TAF3: variants seen among roughly 807,000 people sequenced by gnomAD.
TAF3 encodes the protein transcription initiation factor TFIID subunit 3.
In TAF3, 7 loss-of-function variants were observed where a neutral mutation model predicts 80.6. That is an observed-to-expected ratio of 0.09 (90% CI 0.05 to 0.16). TAF3 has a LOEUF of 0.16. Ranked by LOEUF, TAF3 falls within the 10% of genes least tolerant of loss-of-function variation. TAF3 has a pLI of 1.00. For missense variants in TAF3, 921 were observed against 1,140.2 expected (o/e 0.81, Z 2.77); for synonymous variants, 444 against 446.1 (o/e 1.00, Z 0.06).
rs1449244864 is a variant in TAF3, at chr10:7,965,701, G to A, written c.2191G>A (p.Glu731Lys). Residue 731 changes from glutamate (E) to lysine (K), a missense_variant, in exon 3 of 7, where the codon GAG becomes AAG. Transcript: ENST00000344293. ...AAGAGAGAAAGAGAAGAGAGAGCGA[G>A]AGAAGAGAGAAAAAGAGAAGGAGAA... Reference protein sequence around the residue: ...KEREKEKREREKREKEKEKHK... With the variant: ...KEREKEKRERKKREKEKEKHK... 6.4e-7 allele frequency: 1 copy of A among 1,558,116 alleles called. No individual in the cohort carries two copies. Among genetic ancestry groups the A allele is most frequent in the Non-Finnish European group, 8.6e-7 (1 of 1,162,310 alleles).
chr10:7,846,889 A>C (rs1836978022), intron 2 of TAF3, among the ~76,000 whole-genome samples: 1 of 152,234 alleles, frequency 6.6e-6, no homozygotes, highest in Non-Finnish European at 1.5e-5. Flanking sequence ...ACAATAGTGA[A>C]ATAGATTGTC....
At chr10:7,820,266 CATCTT>C (rs1210836219) in intron 1 of TAF3, among the ~76,000 whole-genome samples, 1 of 152,066 alleles carries the variant, frequency 6.6e-6, no homozygotes, top group African/African-American at 2.4e-5. Flanking sequence ...TATTATTTGT[CATCTT>C]GTTTTGTAAT....
intron 2 of TAF3, among the ~76,000 whole-genome samples, chr10:7,842,072 A>C (rs1005117004): frequency 1.3e-5 from 2 of 150,086 alleles, no homozygotes; most frequent in African/African-American, 4.9e-5. Context: ...AGGCCCTCCT[A>C]TCGTTCATTG....
At chr10:7,897,808 T>C (rs1292958727) in intron 2 of TAF3, among the ~76,000 whole-genome samples, 3 of 152,002 alleles carry the variant, frequency 2.0e-5, no homozygotes, top group African/African-American at 2.4e-5. Flanking sequence ...CATAGGCGTG[T>C]GCCACCATGC....
At chr10:7,981,271 A>G (rs188887421) in intron 4 of TAF3, among the ~76,000 whole-genome samples, 8 of 152,142 alleles carry the variant, frequency 5.3e-5, no homozygotes, top group South Asian at 2.1e-4. Flanking sequence ...TCTTCCATCT[A>G]TTCACCCACC....
chr10:7,830,109 A>C (rs905567364), intron 2 of TAF3, among the ~76,000 whole-genome samples: 1 of 151,604 alleles, frequency 6.6e-6, no homozygotes, highest in East Asian at 1.9e-4. Context: ...GACCTTTTGC[A>C]CTCCTTGGAC....
chr10:7,872,179 G>A (rs778796618), intron 2 of TAF3, among the ~76,000 whole-genome samples: 3 of 149,024 alleles, frequency 2.0e-5, no homozygotes, highest in Non-Finnish European at 4.4e-5. Flanking sequence ...ACCAGTAGAG[G>A]GCACTGTTGT....
At chr10:7,990,320 T>C (rs1831822034) in intron 4 of TAF3, among the ~76,000 whole-genome samples, 1 of 152,236 alleles carries the variant, frequency 6.6e-6, no homozygotes, top group East Asian at 1.9e-4. Context: ...TAGTTTTTTT[T>C]CTCATCAAAC....
intron 4 of TAF3, among the ~76,000 whole-genome samples, chr10:8,007,531 G>C (rs773619119): frequency 1.8e-3 from 240 of 132,214 alleles, no homozygotes; most frequent in Non-Finnish European, 3.0e-3. Flanking sequence ...TTACCTAACT[G>C]TCTGTTATAT....
rs139778643 is a variant in TAF3 at position 7,878,284 on chromosome 10, TAG to T, written c.409+53726_409+53727del. Reference sequence around the variant, plus strand: ...GCCTGTCAGTAGTAGACTGGGTAAATAGATTGTGAAATATTATATAGCAATGA... The same window carrying T: ...GCCTGTCAGTAGTAGACTGGGTAAATATTGTGAAATATTATATAGCAATGA... On this transcript the variant is annotated intron_variant, in intron 2 of 6. Transcript: ENST00000344293. Among the ~76,000 whole-genome samples, 1,153 of 152,228 alleles carry T rather than the reference TAG, an allele frequency of 7.6e-3. 5 individuals are homozygous for T. Among genetic ancestry groups the T allele is most frequent in the Non-Finnish European group, 0.012 (814 of 68,000 alleles).
At chr10:7,937,594 T>C (rs927446424) in intron 2 of TAF3, among the ~76,000 whole-genome samples, 3 of 152,242 alleles carry the variant, frequency 2.0e-5, no homozygotes, top group Non-Finnish European at 4.4e-5. Context: ...GACAGTCCTT[T>C]ATCAGATACG....
intron 2 of TAF3, among the ~76,000 whole-genome samples, chr10:7,857,559 A>T (rs1837093530): frequency 6.6e-6 from 1 of 152,054 alleles, no homozygotes; most frequent in Non-Finnish European, 1.5e-5. Flanking sequence ...ACAAGCCTCT[A>T]CTCAGACTTG....
At chr10:7,873,615 T>TCG (rs1491436619) in intron 2 of TAF3, among the ~76,000 whole-genome samples, 1 of 54,474 alleles carries the variant, frequency 1.8e-5, no homozygotes, top group Non-Finnish European at 3.9e-5. Context: ...ACATCCGAGT[T>TCG]CTCCCCCCCC....
At chr10:7,825,469 T>C (rs1836730534) in intron 2 of TAF3, among the ~76,000 whole-genome samples, 3 of 152,212 alleles carry the variant, frequency 2.0e-5, no homozygotes, top group Admixed American at 2.0e-4. Context: ...TGAAACACTG[T>C]TCCCATTAAA....
At chr10:7,978,726 T>A (rs920560120) in intron 4 of TAF3, among the ~76,000 whole-genome samples, 1 of 152,226 alleles carries the variant, frequency 6.6e-6, no homozygotes, top group Non-Finnish European at 1.5e-5. Context: ...GGCTCATTTC[T>A]CTAAGAGGAA....
At chr10:7,943,341 T>C (rs1837994691) in intron 2 of TAF3, among the ~76,000 whole-genome samples, 1 of 152,192 alleles carries the variant, frequency 6.6e-6, no homozygotes, top group South Asian at 2.1e-4. Context: ...GTTTGTTTCC[T>C]AGTTCGTAAG....
chr10:7,848,382 G>A (rs1176580844), intron 2 of TAF3, among the ~76,000 whole-genome samples: 2 of 152,148 alleles, frequency 1.3e-5, no homozygotes, highest in Non-Finnish European at 2.9e-5. Context: ...CATGGTAAAG[G>A]AGAAAAACTC....
intron 3 of TAF3, among the ~76,000 whole-genome samples, chr10:7,972,129 A>T (rs1831628621): frequency 6.6e-6 from 1 of 152,192 alleles, no homozygotes. Flanking sequence ...TGATGCCATT[A>T]AAAGATGGCA....
At chr10:7,873,478 C>G (rs932251707) in intron 2 of TAF3, among the ~76,000 whole-genome samples, 1 of 152,168 alleles carries the variant, frequency 6.6e-6, no homozygotes, top group African/African-American at 2.4e-5. Context: ...TTTAGAAAAA[C>G]ATTTAGGAAT....
Sources: gnomAD v4.1 joint callset for allele counts (sites outside exome capture counted in the v4.1 genomes callset) on GRCh38, gnomAD v4.1.1 for gene constraint, MANE v1.5 for transcripts, NCBI Gene and HGNC (gene_info 2026-07-23, HGNC 2026-07-21) for gene names.